MACF1: variants seen among roughly 807,000 people sequenced by gnomAD.
MACF1 encodes microtubule-actin cross-linking factor 1.
In MACF1, 193 loss-of-function variants were observed where a neutral mutation model predicts 854.8. The observed-to-expected ratio is 0.23, with a 90% CI of 0.20 to 0.25. The LOEUF (loss-of-function observed/expected upper bound fraction) is 0.25. MACF1 is among the 10% of genes least tolerant of loss of function. The pLI is 1.00. For synonymous variants in MACF1, 3,185 were observed against 3,226.7 expected, an observed-to-expected ratio of 0.99 and a Z score of 0.44; for missense variants, 7,722 against 8,929.1, an observed-to-expected ratio of 0.86 and a Z score of 5.45.
chr1:39,342,306 G>A (rs143797124), intron 40 of MACF1, among the ~76,000 whole-genome samples: 57 of 152,140 alleles, frequency 3.7e-4, no homozygotes, highest in Admixed American at 2.7e-3. Context: ...CCATTGATGG[G>A]CATTTAGGTT....
At chr1:39,369,953 A>AT in intron 50 of MACF1, 77 bp from the exon 51 acceptor site, 1 of 1,348,360 alleles carries the variant, frequency 7.4e-7, no homozygotes, top group Non-Finnish European at 1.0e-6. Flanking sequence ...GTCTGGAGTC[A>AT]CAGAATGAAC....
At chr1:39,179,872 AG>A (rs1184871555) in intron 2 of MACF1, among the ~76,000 whole-genome samples, 1 of 151,696 alleles carries the variant, frequency 6.6e-6, no homozygotes, top group Non-Finnish European at 1.5e-5. Context: ...AAAATTAGCC[AG>A]GTGTGGTGGC....
chr1:39,314,565 T>TCACACACACA (rs1387509578), intron 26 of MACF1, among the ~76,000 whole-genome samples: 1 of 51,648 alleles, frequency 1.9e-5, no homozygotes, highest in Admixed American at 3.3e-4. Flanking sequence ...TCTCTCTCTC[T>TCACACACACA]CTCTCACACA....
chr1:39,343,994 A>C (rs1012146338), intron 40 of MACF1, among the ~76,000 whole-genome samples: 13 of 152,192 alleles, frequency 8.5e-5, no homozygotes, highest in Admixed American at 7.9e-4. Flanking sequence ...ACATGCCTGT[A>C]ATCTCAGCTA....
At chr1:39,368,654 A>G (rs1269805876) in intron 50 of MACF1, among the ~76,000 whole-genome samples, 1 of 151,496 alleles carries the variant, frequency 6.6e-6, no homozygotes, top group Non-Finnish European at 1.5e-5. Context: ...GGCGCCCACC[A>G]CCATGCTCAG....
In MACF1 at chr1:39,336,572, C is replaced by G; in HGVS notation, c.9984C>G (p.Gly3328=). Residue 3328 remains glycine, a synonymous_variant, in exon 37 of 101, where the codon GGC becomes GGG. Coordinates refer to ENST00000564288, the MANE Select transcript of MACF1 (RefSeq NM_001394062.1). ...TPQEKLRESP[G]SEQTPFMTAP... ...AGGAAAAGCTCAGAGAAAGCCCTGG[C>G]AGTGAACAAACTCCCTTCATGACTG... The G allele has an allele frequency of 6.2e-7, 1 of 1,613,992 alleles. No individual in the cohort carries two copies. Among genetic ancestry groups the G allele is most frequent in the Non-Finnish European group, 8.5e-7 (1 of 1,180,000 alleles).
intron 2 of MACF1, among the ~76,000 whole-genome samples, chr1:39,129,634 C>T (rs1038437588): frequency 5.9e-5 from 9 of 152,174 alleles, no homozygotes; most frequent in African/African-American, 2.2e-4. Flanking sequence ...CTTACCAGCC[C>T]TAGACCTTAA....
chr1:39,099,450 C>A (rs995576309), intron 2 of MACF1, among the ~76,000 whole-genome samples: 1 of 152,184 alleles, frequency 6.6e-6, no homozygotes, highest in Non-Finnish European at 1.5e-5. Context: ...AGCCACCGCA[C>A]CTGGCCTAAG....
Position 39,293,632 on chromosome 1 carries a change from CA to C in MACF1, c.2154+14del. ...AAATTACTTCTCTGTGAGTCTAGCA[CA>C]GTAGCAGGCCTGTCATACTTATTTA... On this transcript the variant is annotated intron_variant, in intron 18 of 100. Coordinates refer to ENST00000564288, the MANE Select transcript of MACF1 (RefSeq NM_001394062.1). 6.2e-7 allele frequency: 1 copy of C among 1,607,806 alleles called. No homozygotes were observed. The highest frequency in any genetic ancestry group is 8.5e-7 in the Non-Finnish European group (1 of 1,176,366).
At chr1:39,264,725 C>T (rs1194837706) in intron 6 of MACF1, among the ~76,000 whole-genome samples, 2 of 141,312 alleles carry the variant, frequency 1.4e-5, no homozygotes, top group African/African-American at 2.7e-5. Flanking sequence ...GGACTGCGGA[C>T]TGCAGTGGCA....
intron 58 of MACF1, chr1:39,410,346 C>T: frequency 2.5e-6 from 4 of 1,613,820 alleles, no homozygotes; most frequent in Non-Finnish European, 2.5e-6. Context: ...AGGATGGCTA[C>T]ATAGAGGACT....
At chr1:39,321,463 A>T (rs1264350588) in intron 31 of MACF1, among the ~76,000 whole-genome samples, 1 of 152,162 alleles carries the variant, frequency 6.6e-6, no homozygotes. Context: ...TTCTACCCGG[A>T]GTTTTTTTAA....
Position 39,131,862 on chromosome 1 carries a change from G to A in MACF1, c.220+47424G>A, listed in dbSNP as rs187734875. Among the ~76,000 whole-genome samples, 3 of 152,286 alleles carry A rather than the reference G, an allele frequency of 2.0e-5. No individual in the cohort carries two copies. In the East Asian group the frequency reaches 5.8e-4, roughly 29 times the overall value. ...GGGTCTTGCAGTGTTGCCTAGGCTT[G>A]TCTTGAACTGCTGCCTTCAAGTGAT... On this transcript the variant is annotated intron_variant, in intron 2 of 93. Transcript: ENST00000361689.
Position 39,283,609 on chromosome 1 carries a change from C to T in MACF1, c.915+94C>T. 1.2e-6 allele frequency: 1 copy of T among 848,486 alleles called. No individual in the cohort carries two copies. The highest frequency in any genetic ancestry group is 2.0e-6 in the Non-Finnish European group (1 of 507,928). The allele number at this position is 848,486 out of a possible 1,614,324, so 52.6% of individuals were successfully genotyped here. A position where few individuals can be genotyped will look rare whatever the true frequency, so the allele number is the denominator to read the frequency against. ...CTTTCTTAAGCACTTATGGTATACT[C>T]ATGGTATCAAACTATATATCCAGTA... On this transcript the variant is annotated intron_variant, in intron 9 of 100. Transcript: ENST00000564288. The surrounding 1 kb of genome is among the most constrained non-coding windows in gnomAD (Gnocchi z 4.5).
intron 7 of MACF1, 33 bp downstream of exon 7, chr1:39,282,407 G>A (rs747774738): frequency 1.0e-5 from 16 of 1,585,498 alleles, no homozygotes; most frequent in Non-Finnish European, 1.4e-5. Flanking sequence ...GCTCCTGCAG[G>A]GCTTTTTCTC....
chr1:39,113,379 C>CA (rs1227308163), intron 2 of MACF1, among the ~76,000 whole-genome samples: 3 of 152,084 alleles, frequency 2.0e-5, no homozygotes, highest in Admixed American at 6.5e-5. Context: ...CTATAAACTC[C>CA]AAAAAACACT....
chr1:39,461,514 C>T (rs1201163044), intron 92 of MACF1, among the ~76,000 whole-genome samples: 1 of 151,908 alleles, frequency 6.6e-6, no homozygotes, highest in African/African-American at 2.4e-5. Context: ...TCTGGCCAGG[C>T]GTGGTGGCTC....
chr1:39,088,100 G>A (rs1440417073), intron 2 of MACF1, among the ~76,000 whole-genome samples: 3 of 152,146 alleles, frequency 2.0e-5, no homozygotes, highest in African/African-American at 7.2e-5. Flanking sequence ...AGCCTCCTGA[G>A]CAGCTGGGAC....
rs758515501 is a variant in MACF1, at chr1:39,335,293, T to C, written c.8705T>C (p.Met2902Thr). The change falls in exon 37 of 101, where the codon ATG becomes ACG. Residue 2902 changes from methionine to threonine, a missense_variant. Physicochemically the swap from Met to Thr is moderately conservative, Grantham distance 81. Coordinates refer to ENST00000564288, the MANE Select transcript of MACF1 (RefSeq NM_001394062.1). ...CTTAAAGAAGTGGCTAGAAATAACA[T>C]GGGAAATGATACAAATGAAGAGCAG... ...FKLKEVARNN[M>T]GNDTNEEQEK... 16 of 1,613,884 alleles carry C rather than the reference T, an allele frequency of 9.9e-6. No homozygotes were observed. The African/African-American group carries it at 1.9e-4, about 19-fold the overall frequency.
Sources: allele counts gnomAD v4.1 joint callset (sites outside exome capture counted in the v4.1 genomes callset), GRCh38; gene constraint gnomAD v4.1.1; non-coding constraint Gnocchi (gnomAD v3.1); transcripts MANE v1.5; gene names NCBI Gene and HGNC (gene_info 2026-07-23, HGNC 2026-07-21).